CARD8: variants seen among roughly 807,000 people sequenced by gnomAD.
CARD8 encodes caspase recruitment domain-containing protein 8.
In CARD8, 38 loss-of-function variants were observed where a neutral mutation model predicts 53.2. That is an observed-to-expected ratio of 0.71 (90% CI 0.55 to 0.94). CARD8 has a LOEUF of 0.94. Ranked by LOEUF, CARD8 falls within the 40% of genes least tolerant of loss-of-function variation. The pLI is 0.00. For missense variants in CARD8, 561 were observed against 655.5 expected, an observed-to-expected ratio of 0.86 and a Z score of 1.57; for synonymous variants, 245 against 244.9, an observed-to-expected ratio of 1.00 and a Z score of 0.00.
intron 10 of CARD8, among the ~76,000 whole-genome samples, chr19:48,223,522 C>A (rs555080000): frequency 6.6e-6 from 1 of 152,156 alleles, no homozygotes; most frequent in East Asian, 1.9e-4. Context: ...AACCAGTTTC[C>A]GAAGGGTCAA....
rs531199248 is a variant in CARD8 at position 48,214,769 on chromosome 19, C to CTTTT, written c.1348+567_1348+570dup. Among the ~76,000 whole-genome samples, 519 of 89,524 alleles carry CTTTT rather than the reference C, an allele frequency of 5.8e-3. 63 individuals carry two copies. Among genetic ancestry groups the CTTTT allele is most frequent in the African/African-American group, 0.013 (266 of 20,562 alleles). 58.7% of individuals were successfully genotyped at this position (89,524 alleles called of 152,430 possible). Reference sequence around the variant, plus strand: ...CCTTCCTTTCATTCCTGCTATAAAGCTTTTTTTTTTTTTTTTTTTTTTTTT... The same window carrying CTTTT: ...CCTTCCTTTCATTCCTGCTATAAAGCTTTTTTTTTTTTTTTTTTTTTTTTTTTTT... On this transcript the variant is annotated intron_variant, in intron 13 of 13. Transcript: ENST00000651546.
intron 11 of CARD8, among the ~76,000 whole-genome samples, chr19:48,221,422 T>A (rs1015858415): frequency 7.9e-5 from 12 of 152,092 alleles, no homozygotes; most frequent in African/African-American, 2.9e-4. Context: ...ACATATTAAG[T>A]GCGTTAGTTA....
In CARD8 at chr19:48,246,629, A is replaced by G. The variant is rs1600695261; in HGVS notation, c.-44+2894T>C. 2.6e-5 allele frequency among the ~76,000 whole-genome samples: 4 copies of G among 151,950 alleles called. 1 individual carries two copies. The highest frequency in any genetic ancestry group is 2.6e-4 in the Admixed American group (4 of 15,266). Reference sequence around the variant, plus strand: ...TAGAAAATCAATAATAAAAAAAAACATTGCTCTAGAAATAGGTAGACAAAG... The same window carrying G: ...TAGAAAATCAATAATAAAAAAAAACGTTGCTCTAGAAATAGGTAGACAAAG... On this transcript the variant is annotated intron_variant, in intron 3 of 13. Coordinates refer to ENST00000651546, the MANE Select transcript of CARD8 (RefSeq NM_001184900.3).
chr19:48,218,663 T>C (rs890690142), intron 12 of CARD8, among the ~76,000 whole-genome samples: 6 of 152,148 alleles, frequency 3.9e-5, no homozygotes, highest in Non-Finnish European at 5.9e-5. Flanking sequence ...CTTTTAGCTA[T>C]TTATCTAGAT....
rs543166023 is a variant in CARD8, at chr19:48,241,535, G to T, written c.-43-472C>A. Among the ~76,000 whole-genome samples, 4 of 152,336 alleles carry T rather than the reference G, an allele frequency of 2.6e-5. No individual in the cohort carries two copies. In the South Asian group the frequency reaches 8.3e-4, roughly 32 times the overall value. On this transcript the variant is annotated intron_variant, in intron 3 of 13. Transcript: ENST00000651546. ...CCTCCCAAAGTGCCGGATTGCAGGC[G>T]TGAGCCACCGTGCCCTGCCGGATTT...
At chr19:48,253,241 A>G (rs141775947) in intron 1 of CARD8, among the ~76,000 whole-genome samples, 1 of 152,232 alleles carries the variant, frequency 6.6e-6, no homozygotes, top group African/African-American at 2.4e-5. Flanking sequence ...ATGCATCACC[A>G]TGCCTGGCTA....
At chr19:48,219,240 G>A (rs529983684) in intron 11 of CARD8, among the ~76,000 whole-genome samples, 13 of 152,286 alleles carry the variant, frequency 8.5e-5, no homozygotes, top group Admixed American at 1.3e-4. Flanking sequence ...ATGAGTCAGA[G>A]AAAAACTATC....
intron 7 of CARD8, chr19:48,232,222 G>A (rs1020894247): frequency 1.7e-6 from 1 of 599,420 alleles, no homozygotes; most frequent in Non-Finnish European, 3.0e-6. Context: ...CCTAGGCCCT[G>A]CTGCTGTCCC....
rs550764636 is a variant in CARD8, at chr19:48,208,586, C to T, written c.*3124G>A. The T allele has an allele frequency of 3.9e-5, 6 of 152,308 alleles. No homozygotes were observed. Among genetic ancestry groups the T allele is most frequent in the African/African-American group, 1.2e-4 (5 of 41,556 alleles). The allele number at this position is 152,308 out of a possible 1,614,324, so 9.4% of individuals were successfully genotyped here. A position where few individuals can be genotyped will look rare whatever the true frequency, so the allele number is the denominator to read the frequency against. On this transcript the variant is annotated 3_prime_UTR_variant, in exon 14 of 14. Coordinates refer to ENST00000651546, the MANE Select transcript of CARD8 (RefSeq NM_001184900.3). ...ATACAAGGATGAGCTGCAAAAATCT[C>T]CACTTGTCTGGCAAATGACAACTCA...
At chr19:48,234,795 CGTCA>C (rs976034813) in intron 5 of CARD8, among the ~76,000 whole-genome samples, 3 of 152,142 alleles carry the variant, frequency 2.0e-5, no homozygotes, top group Non-Finnish European at 4.4e-5. Context: ...AGGAAGCAGA[CGTCA>C]GTCAGTTCTC....
chr19:48,219,393 G>A (rs1470638572), intron 11 of CARD8, among the ~76,000 whole-genome samples: 2 of 152,048 alleles, frequency 1.3e-5, no homozygotes, highest in Non-Finnish European at 2.9e-5. Context: ...TCTGAGCCTC[G>A]CTGGGAAGCC....
chr19:48,238,701 G>A (rs1014813712), intron 4 of CARD8, among the ~76,000 whole-genome samples, 169 bp from the exon 5 acceptor site: 33 of 151,728 alleles, frequency 2.2e-4, no homozygotes, highest in African/African-American at 7.8e-4. Context: ...CCTTAGACAT[G>A]CCCATCCATA....
At chr19:48,242,001 C>T (rs1249291533) in intron 3 of CARD8, among the ~76,000 whole-genome samples, 10 of 152,144 alleles carry the variant, frequency 6.6e-5, no homozygotes, top group Non-Finnish European at 1.2e-4. Flanking sequence ...CCCACAGGCA[C>T]GCACACCCAG....
At chr19:48,214,368 GACAGAGAGA>G (rs1430699718) in intron 13 of CARD8, among the ~76,000 whole-genome samples, 6 of 152,198 alleles carry the variant, frequency 3.9e-5, no homozygotes, top group Non-Finnish European at 7.3e-5. Context: ...GCCGTCTCCT[GACAGAGAGA>G]AAACACCTGA....
chr19:48,249,990 G>T (rs900806262), intron 1 of CARD8, 143 bp from the exon 2 acceptor site: 1 of 81,614 alleles, frequency 1.2e-5, no homozygotes, highest in African/African-American at 8.0e-5. Flanking sequence ...TGACTTGGCT[G>T]GGACAGTCTT....
At chr19:48,244,214 T>C (rs2045719254) in intron 3 of CARD8, among the ~76,000 whole-genome samples, 1 of 152,080 alleles carries the variant, frequency 6.6e-6, no homozygotes, top group Non-Finnish European at 1.5e-5. Context: ...AATTGTAAAA[T>C]TCTACCTGGT....
Position 48,208,983 on chromosome 19 carries a change from C to CAAAAA in CARD8, c.*2722_*2726dup, listed in dbSNP as rs61047810. 4 of 48,132 alleles carry CAAAAA rather than the reference C, an allele frequency of 8.3e-5. No individual in the cohort carries two copies. Among genetic ancestry groups the CAAAAA allele is most frequent in the Non-Finnish European group, 1.1e-4 (3 of 27,664 alleles). The allele number at this position is 48,132 out of a possible 1,614,324, so 3.0% of individuals were successfully genotyped here. On this transcript the variant is annotated 3_prime_UTR_variant, in exon 14 of 14. Transcript: ENST00000651546. ...TAGATGACAGAGCGAGACTCCATCT[C>CAAAAA]AAAAAAAAAAAAAAAAAAAAAAAAA...
At position 48,230,843 on chromosome 19, in the gene CARD8, C is replaced by A; in HGVS notation, c.706G>T (p.Asp236Tyr). 6.2e-7 allele frequency: 1 copy of A among 1,614,164 alleles called. No homozygotes were observed. The highest frequency in any genetic ancestry group is 8.5e-7 in the Non-Finnish European group (1 of 1,180,028). ...EQWLVGGPLF[D>Y]VTAEPEEAVA... ...GCCTCCTCTGGCTCTGCAGTGACAT[C>A]AAACAAGGGGCCGCCCACCAGCCAC... Residue 236 changes from aspartate to tyrosine, a missense_variant, in exon 9 of 14, where the codon GAT becomes TAT. By Grantham distance (160) the Asp-to-Tyr change is radical (BLOSUM62 -3). Coordinates refer to ENST00000651546, the MANE Select transcript of CARD8 (RefSeq NM_001184900.3).
downstream of CARD8, among the ~76,000 whole-genome samples, chr19:48,207,734 G>GTTTTTTTTTTTTTGT (rs1555790116): frequency 4.8e-3 from 563 of 116,472 alleles, 52 homozygotes; most frequent in Non-Finnish European, 7.1e-3. Flanking sequence ...TTGTTTTTCT[G>GTTTTTTTTTTTTTGT]TTTTTTTTTT....
Sources: allele counts gnomAD v4.1 joint callset (sites outside exome capture counted in the v4.1 genomes callset), GRCh38; gene constraint gnomAD v4.1.1; transcripts MANE v1.5; gene names NCBI Gene and HGNC (gene_info 2026-07-23, HGNC 2026-07-21).